Variants in DNAH3 observed in about 807,000 individuals in gnomAD.
DNAH3 encodes dynein axonemal heavy chain 3.
A neutral mutation model predicts 432.5 loss-of-function variants in DNAH3; 332 were observed. The ratio of observed to expected loss-of-function variants is 0.77; its 90% CI spans 0.70 to 0.84. The LOEUF (loss-of-function observed/expected upper bound fraction) is 0.84, where lower values mean the gene tolerates loss of function less well. Ranked by LOEUF, DNAH3 falls within the 40% of genes least tolerant of loss-of-function variation. DNAH3 has a pLI of 0.00. For missense variants in DNAH3, 4,861 were observed against 5,114.0 expected, an observed-to-expected ratio of 0.95 and a Z score of 1.51; for synonymous variants, 1,956 against 1,900.2, an observed-to-expected ratio of 1.03 and a Z score of -0.76.
exon 62 of DNAH3, chr16:20,933,186 C>G: frequency 6.2e-7 from 1 of 1,614,096 alleles, no homozygotes. Flanking sequence ...GAGGCCACCC[C>G]TCGGTTTATC....
At chr16:21,145,006 G>A (rs2152831794) in intron 3 of DNAH3, among the ~76,000 whole-genome samples, 175 bp downstream of exon 4, 1 of 152,218 alleles carries the variant, frequency 6.6e-6, no homozygotes, top group South Asian at 2.1e-4. Context: ...CAGCTACTCA[G>A]GAGGCTGAGG....
At chr16:21,055,000 ATT>A (rs2090082869) in intron 27 of DNAH3, among the ~76,000 whole-genome samples, 1 of 152,148 alleles carries the variant, frequency 6.6e-6, no homozygotes, top group African/African-American at 2.4e-5. Context: ...ATAAATCAGA[ATT>A]AACCTCCCAA....
At chr16:21,107,154 C>T (rs932033108) in intron 14 of DNAH3, among the ~76,000 whole-genome samples, 2 of 151,838 alleles carry the variant, frequency 1.3e-5, no homozygotes, top group African/African-American at 4.8e-5. Context: ...ATACACAGAA[C>T]CTAGATTTAG....
At chr16:21,128,100 G>C (rs1014400590) in intron 7 of DNAH3, among the ~76,000 whole-genome samples, 1 of 152,024 alleles carries the variant, frequency 6.6e-6, no homozygotes, top group African/African-American at 2.4e-5. Flanking sequence ...TGGGGCTGTG[G>C]CACCAGCTGG....
chr16:21,053,937 T>G (rs1392450095), intron 28 of DNAH3, among the ~76,000 whole-genome samples: 1 of 152,034 alleles, frequency 6.6e-6, no homozygotes. Flanking sequence ...TCCAGTCCCT[T>G]AGGCTTGGAA....
chr16:21,044,930 A>C (rs1313228626), intron 31 of DNAH3, among the ~76,000 whole-genome samples: 1 of 146,128 alleles, frequency 6.8e-6, no homozygotes, highest in East Asian at 2.0e-4. Context: ...TATTGAGATA[A>C]TCATGTGGTT....
At chr16:21,073,912 T>A (rs550266678) in intron 21 of DNAH3, among the ~76,000 whole-genome samples, 2 of 152,324 alleles carry the variant, frequency 1.3e-5, no homozygotes, top group East Asian at 3.9e-4. Flanking sequence ...TAGACCATTA[T>A]ACCATACGCT....
intron 59 of DNAH3, among the ~76,000 whole-genome samples, chr16:20,937,851 T>C (rs1449639046): frequency 6.6e-6 from 1 of 151,934 alleles, no homozygotes; most frequent in Non-Finnish European, 1.5e-5. Flanking sequence ...GACTATAAGG[T>C]GCACGCCTGA....
chr16:21,007,442 G>A lies in DNAH3; in HGVS notation c.6023-4235C>T, dbSNP rs1251718770. Among the ~76,000 whole-genome samples, 4 of 151,964 alleles carry A rather than the reference G, an allele frequency of 2.6e-5. No individual in the cohort carries two copies. In the South Asian group the frequency reaches 8.3e-4, roughly 32 times the overall value. ...TGCCCAGGCTGGTCTCAAAATCCTGGGCTCAAGTGATTTGCCCACCTCAAC... is the reference window on the plus strand; with the variant it reads ...TGCCCAGGCTGGTCTCAAAATCCTGAGCTCAAGTGATTTGCCCACCTCAAC... On this transcript the variant is annotated intron_variant, in intron 41 of 61. Coordinates refer to ENST00000261383, the Ensembl canonical transcript of DNAH3.
At chr16:21,078,105 G>A (rs942610994) in intron 20 of DNAH3, among the ~76,000 whole-genome samples, 2 of 151,712 alleles carry the variant, frequency 1.3e-5, no homozygotes, top group East Asian at 1.9e-4. Context: ...GTGAAACCCC[G>A]TCTCTACTAA....
At chr16:21,132,957 A>G (rs1259986558) in intron 7 of DNAH3, among the ~76,000 whole-genome samples, 3 of 131,398 alleles carry the variant, frequency 2.3e-5, no homozygotes, top group Non-Finnish European at 3.2e-5. Flanking sequence ...GACTCCTACA[A>G]TTTTTTTTTT....
chr16:21,031,235 G>A (rs765305388), exon 37 of DNAH3: 1 of 1,614,124 alleles, frequency 6.2e-7, no homozygotes, highest in South Asian at 1.1e-5. Context: ...CATCGTGATA[G>A]CCTTGGGGTT....
exon 9 of DNAH3, chr16:21,125,296 T>C (rs1445868763): frequency 1.9e-6 from 3 of 1,613,740 alleles, no homozygotes; most frequent in African/African-American, 1.3e-5. Context: ...ACTTGAGTCA[T>C]AGTTGCTCTT....
At chr16:20,966,331 G>A (rs775141075) in intron 52 of DNAH3, among the ~76,000 whole-genome samples, 6 of 151,798 alleles carry the variant, frequency 4.0e-5, no homozygotes, top group South Asian at 2.1e-4. Flanking sequence ...GGGCCACCAC[G>A]CCCAGCTGTG....
At chr16:21,006,925 T>C (rs917050737) in intron 41 of DNAH3, among the ~76,000 whole-genome samples, 1 of 152,098 alleles carries the variant, frequency 6.6e-6, no homozygotes, top group East Asian at 1.9e-4. Context: ...CTGCTCACAA[T>C]TGGATTGTAT....
At chr16:21,140,757 A>T (rs1046800008) in intron 4 of DNAH3, 47 bp from the exon 6 acceptor site, 1 of 1,591,686 alleles carries the variant, frequency 6.3e-7, no homozygotes. Context: ...TTCTCCAGAG[A>T]GGTGCTGTGG....
intron 5 of DNAH3, among the ~76,000 whole-genome samples, chr16:21,139,608 CT>C (rs2092692309): frequency 6.6e-6 from 1 of 151,620 alleles, no homozygotes; most frequent in Non-Finnish European, 1.5e-5. Flanking sequence ...TCCCAAGTAG[CT>C]GGGACCACAG....
intron 19 of DNAH3, among the ~76,000 whole-genome samples, chr16:21,084,177 A>C (rs1021484656): frequency 1.7e-4 from 26 of 152,286 alleles, no homozygotes; most frequent in African/African-American, 4.6e-4. Flanking sequence ...AGATAATAAT[A>C]ATCTCCACTT....
intron 1 of DNAH3, among the ~76,000 whole-genome samples, chr16:21,155,697 C>G (rs1343748451): frequency 6.8e-6 from 1 of 147,952 alleles, no homozygotes; most frequent in East Asian, 2.0e-4. Flanking sequence ...TGTACTTGTA[C>G]TAAAAAGTTA....
Sources: allele counts gnomAD v4.1 joint callset (sites outside exome capture counted in the v4.1 genomes callset), GRCh38; gene constraint gnomAD v4.1.1; transcripts MANE v1.5; gene names NCBI Gene and HGNC (gene_info 2026-07-23, HGNC 2026-07-21).